The following NTNG2 variants were observed in gnomAD, a reference collection of about 807,000 sequenced individuals.
NTNG2 encodes the protein netrin G2.
A neutral mutation model predicts 47.6 loss-of-function variants in NTNG2; 15 were observed. The observed-to-expected ratio is 0.32, with a 90% CI of 0.21 to 0.49. NTNG2 has a LOEUF of 0.49. Among genes scored for constraint, NTNG2 ranks in the 20% least tolerant of loss-of-function variants. The probability of loss-of-function intolerance (pLI) is 0.99; values close to 1 mark genes in which losing one functional copy is unlikely to be tolerated. For synonymous variants in NTNG2, 307 were observed against 324.6 expected (o/e 0.95, Z 0.58); for missense variants, 578 against 764.6 (o/e 0.76, Z 2.88).
At chr9:132,199,494 C>A (rs971278947) in intron 3 of NTNG2, among the ~76,000 whole-genome samples, 2 of 152,240 alleles carry the variant, frequency 1.3e-5, no homozygotes, top group African/African-American at 4.8e-5. Context: ...ATTCTCCCAG[C>A]AGTGACATGG....
rs1055738793 is a variant in NTNG2 at position 132,208,048 on chromosome 9, G to A, written c.857+9439G>A. Among the ~76,000 whole-genome samples, 1 of 152,146 alleles carries A rather than the reference G, an allele frequency of 6.6e-6. No individual in the cohort carries two copies. The highest frequency in any genetic ancestry group is 1.5e-5 in the Non-Finnish European group (1 of 68,024). On this transcript the variant is annotated intron_variant, in intron 3 of 7. Coordinates refer to ENST00000393229, the MANE Select transcript of NTNG2 (RefSeq NM_032536.4). This position sits in a 1 kb window ranked among gnomAD's most constrained non-coding sequence, Gnocchi z 4.0. ...GAGCCCAGGAAGTCAAGCCTGCAGT[G>A]AGTTATGACTGTGCTACTGCACTCC...
chr9:132,207,659 C>T (rs528097431), intron 3 of NTNG2, among the ~76,000 whole-genome samples: 15 of 152,306 alleles, frequency 9.8e-5, no homozygotes, highest in South Asian at 4.1e-4. Flanking sequence ...TCGGGAGACA[C>T]GATTTGGCCC....
Position 132,231,258 on chromosome 9 carries a change from ACACT to A in NTNG2, c.1054+667_1054+670del, listed in dbSNP as rs1483612824. The A allele has an allele frequency of 1.5e-5, 7 of 455,086 alleles. No individual in the cohort carries two copies. Among genetic ancestry groups the A allele is most frequent in the East Asian group, 7.0e-5 (1 of 14,314 alleles). The allele number at this position is 455,086 out of a possible 1,614,324, so 28.2% of individuals were successfully genotyped here. On this transcript the variant is annotated intron_variant, in intron 5 of 7. Coordinates refer to ENST00000393229, the MANE Select transcript of NTNG2 (RefSeq NM_032536.4). This position sits in a 1 kb window ranked among gnomAD's most constrained non-coding sequence, Gnocchi z 4.1. ...TAAATGTCATCGAGACTGTCCCCAG[ACACT>A]CACAGGGTGCCAGGCACGGTCTCTC... is the stretch of plus-strand genomic sequence containing the variant.
rs1339733069 is a variant in NTNG2, at chr9:132,221,373, C to G, written c.858-5476C>G. 6.6e-6 allele frequency among the ~76,000 whole-genome samples: 1 copy of G among 152,122 alleles called. No homozygotes were observed. The highest frequency in any genetic ancestry group is 1.5e-5 in the Non-Finnish European group (1 of 68,020). On this transcript the variant is annotated intron_variant, in intron 3 of 7. Coordinates refer to ENST00000393229, the MANE Select transcript of NTNG2 (RefSeq NM_032536.4). This position sits in a 1 kb window ranked among gnomAD's most constrained non-coding sequence, Gnocchi z 4.2. ...CATGGAGAGAGGGGCACTGAGAGAG[C>G]CAGAGAGGCCAAGAGGTCATACACA...
chr9:132,239,647 G>T (rs952049217), intron 6 of NTNG2, among the ~76,000 whole-genome samples: 1 of 152,144 alleles, frequency 6.6e-6, no homozygotes, highest in African/African-American at 2.4e-5. Context: ...GTGTGGGGGG[G>T]TCCCCCTCCA....
rs946381706 is a variant in NTNG2, at chr9:132,236,885, G to A, written c.1055-2219G>A. Reference sequence around the variant, plus strand: ...TTGCGAGTGGGACTCCAGGGACAGCGAAGGATTCACTTCGGCTGGAGCAGG... The same window carrying A: ...TTGCGAGTGGGACTCCAGGGACAGCAAAGGATTCACTTCGGCTGGAGCAGG... On this transcript the variant is annotated intron_variant, in intron 5 of 7. Coordinates refer to ENST00000393229, the MANE Select transcript of NTNG2 (RefSeq NM_032536.4). This position sits in a 1 kb window ranked among gnomAD's most constrained non-coding sequence, Gnocchi z 4.3. Among the ~76,000 whole-genome samples the A allele has an allele frequency of 1.1e-4, 16 of 152,212 alleles. No individual in the cohort carries two copies. Among genetic ancestry groups the A allele is most frequent in the Admixed American group, 5.2e-4 (8 of 15,280 alleles).
chr9:132,240,775 C>T (rs1370307544), intron 6 of NTNG2, 135 bp from the exon 7 acceptor site: 1 of 1,365,152 alleles, frequency 7.3e-7, no homozygotes, highest in African/African-American at 1.4e-5. Context: ...CAGCCGCGGG[C>T]TCACGTGGAC....
At chr9:132,220,644 G>A (rs1031002054) in intron 3 of NTNG2, among the ~76,000 whole-genome samples, 6 of 151,842 alleles carry the variant, frequency 4.0e-5, no homozygotes, top group Non-Finnish European at 5.9e-5. Context: ...AGTAGAGACG[G>A]GGTTTCACCA....
Position 132,162,127 on chromosome 9 carries a change from C to T in NTNG2, c.-596C>T. The T allele has an allele frequency of 6.6e-6, 1 of 152,104 alleles. No individual in the cohort carries two copies. Among genetic ancestry groups the T allele is most frequent in the Non-Finnish European group, 1.5e-5 (1 of 67,712 alleles). 9.4% of individuals were successfully genotyped at this position (152,104 alleles called of 1,614,324 possible). On this transcript the variant is annotated 5_prime_UTR_variant, in exon 1 of 8. Transcript: ENST00000393229. This position sits in a 1 kb window ranked among gnomAD's most constrained non-coding sequence, Gnocchi z 4.6. Reference sequence around the variant, plus strand: ...GCGGGGAAGGAGCAGCGGCTCGCAGCCCTCGGCCCGCGCCCCCACCCAGCG... The same window carrying T: ...GCGGGGAAGGAGCAGCGGCTCGCAGTCCTCGGCCCGCGCCCCCACCCAGCG...
intron 3 of NTNG2, among the ~76,000 whole-genome samples, chr9:132,201,849 G>A (rs1054811604): frequency 6.6e-6 from 1 of 152,212 alleles, no homozygotes; most frequent in African/African-American, 2.4e-5. Context: ...CACTGAGCAA[G>A]CCAGACCTGA....
chr9:132,200,985 G>A (rs1564411880), intron 3 of NTNG2, among the ~76,000 whole-genome samples: 1 of 152,264 alleles, frequency 6.6e-6, no homozygotes, highest in Non-Finnish European at 1.5e-5. Flanking sequence ...TCAGGGCTGG[G>A]AACCAGCTCC....
rs199960941 is a variant in NTNG2 at position 132,162,531 on chromosome 9, T to TGAGA, written c.-484+294_-484+297dup. Among the ~76,000 whole-genome samples, 2 of 122,254 alleles carry TGAGA rather than the reference T, an allele frequency of 1.6e-5. No individual in the cohort carries two copies. Among genetic ancestry groups the TGAGA allele is most frequent in the Admixed American group, 1.5e-4 (2 of 13,168 alleles). 80.2% of individuals were successfully genotyped at this position (122,254 alleles called of 152,430 possible). The stretch of plus-strand genomic sequence containing the variant: ...CCCCGGGTCCTTTCCGTCGTGTGTG[T>TGAGA]GAGAGTGTGTGTGTGTGTGTGTGTG... On this transcript the variant is annotated intron_variant, in intron 1 of 7. Transcript: ENST00000393229. The surrounding 1 kb of genome is among the most constrained non-coding windows in gnomAD (Gnocchi z 4.6).
intron 2 of NTNG2, among the ~76,000 whole-genome samples, chr9:132,173,345 G>A (rs760241785): frequency 6.6e-6 from 1 of 152,154 alleles, no homozygotes; most frequent in Admixed American, 6.5e-5. Flanking sequence ...ACCGAGGCCC[G>A]GGGCCCAGGG....
intron 2 of NTNG2, among the ~76,000 whole-genome samples, chr9:132,193,187 G>A (rs1838027768): frequency 6.6e-6 from 1 of 152,234 alleles, no homozygotes; most frequent in African/African-American, 2.4e-5. Context: ...TCAGCAGTTG[G>A]GGATGACGGG....
chr9:132,224,803 T>C (rs771580338), intron 3 of NTNG2, among the ~76,000 whole-genome samples: 2 of 152,256 alleles, frequency 1.3e-5, no homozygotes, highest in Non-Finnish European at 2.9e-5. Flanking sequence ...TCTGCCATGA[T>C]GAACCTCTGT....
intron 3 of NTNG2, among the ~76,000 whole-genome samples, chr9:132,210,044 C>T (rs993484235): frequency 2.0e-5 from 3 of 152,022 alleles, no homozygotes; most frequent in Admixed American, 2.0e-4. Flanking sequence ...AGGTCAGAAA[C>T]CCTGCTTCTA....
chr9:132,195,379 G>A (rs1838213208), intron 2 of NTNG2, among the ~76,000 whole-genome samples: 1 of 152,020 alleles, frequency 6.6e-6, no homozygotes, highest in South Asian at 2.1e-4. Context: ...CGCGATCTCG[G>A]CTTACTGCAA....
intron 2 of NTNG2, among the ~76,000 whole-genome samples, chr9:132,189,523 C>T (rs985555159): frequency 6.6e-6 from 1 of 152,124 alleles, no homozygotes; most frequent in Non-Finnish European, 1.5e-5. Context: ...TTCCTTCCTC[C>T]GGGCATTGGG....
chr9:132,201,324 CGGCGGGGAGGA>C (rs1472109633), intron 3 of NTNG2, among the ~76,000 whole-genome samples: 1 of 152,208 alleles, frequency 6.6e-6, no homozygotes. Context: ...CCTCTGCGGG[CGGCGGGGAGGA>C]GCCGAGGTGG....
Sources: allele counts gnomAD v4.1 joint callset (sites outside exome capture counted in the v4.1 genomes callset), GRCh38; gene constraint gnomAD v4.1.1; non-coding constraint Gnocchi (gnomAD v3.1); transcripts MANE v1.5; gene names NCBI Gene and HGNC (gene_info 2026-07-23, HGNC 2026-07-21).